The following RPRD2 variants were observed in gnomAD, a reference collection of about 807,000 sequenced individuals.
RPRD2 encodes regulation of nuclear pre-mRNA domain-containing protein 2.
In RPRD2, 12 loss-of-function variants were observed where a neutral mutation model predicts 104.4. That is an observed-to-expected ratio of 0.11 (90% confidence interval 0.07 to 0.19). The LOEUF is 0.19. RPRD2 is among the 10% of genes least tolerant of loss of function. RPRD2 has a pLI of 1.00. For synonymous variants in RPRD2, 714 were observed against 684.9 expected (o/e 1.04, Z -0.66); for missense variants, 1,543 against 1,790.1 (o/e 0.86, Z 2.49).
At chr1:150,438,825 G>T (rs1666201380) in intron 2 of RPRD2, among the ~76,000 whole-genome samples, 1 of 151,870 alleles carries the variant, frequency 6.6e-6, no homozygotes, top group Admixed American at 6.6e-5. Flanking sequence ...TGTAACAATG[G>T]TAAGTACATA....
intron 2 of RPRD2, among the ~76,000 whole-genome samples, chr1:150,429,083 T>C (rs964796378): frequency 1.3e-4 from 20 of 150,790 alleles, no homozygotes; most frequent in African/African-American, 4.9e-4. Context: ...ATTGACATTG[T>C]GGTCAGTAGT....
At position 150,405,829 on chromosome 1, in the gene RPRD2, A is replaced by G. The variant is rs182905544; in HGVS notation, c.206-11767A>G. On this transcript the variant is annotated intron_variant, in intron 1 of 10. Transcript: ENST00000369068. The stretch of plus-strand genomic sequence containing the variant: ...AATCCTCTCTTTGTCCTTTGTATCC[A>G]TGCTGTTGACGCTTCCCACCCATTA... Among the ~76,000 whole-genome samples the G allele has an allele frequency of 9.8e-5, 15 of 152,302 alleles. No individual in the cohort carries two copies. In the East Asian group the frequency reaches 2.5e-3, roughly 25 times the overall value.
chr1:150,374,049 G>A (rs1262191001), intron 1 of RPRD2, among the ~76,000 whole-genome samples: 1 of 152,148 alleles, frequency 6.6e-6, no homozygotes, highest in Non-Finnish European at 1.5e-5. Flanking sequence ...GGCATCCCCT[G>A]GGTAGCCTAA....
intron 1 of RPRD2, among the ~76,000 whole-genome samples, chr1:150,397,371 C>T (rs1662607023): frequency 6.6e-6 from 1 of 152,066 alleles, no homozygotes; most frequent in African/African-American, 2.4e-5. Flanking sequence ...CCAAAGTTTA[C>T]CCTTTAAATG....
At chr1:150,422,992 G>C (rs1442209458) in intron 2 of RPRD2, among the ~76,000 whole-genome samples, 2 of 152,096 alleles carry the variant, frequency 1.3e-5, no homozygotes, top group African/African-American at 4.8e-5. Flanking sequence ...TTCCATCACA[G>C]GTTGGAAATT....
intron 2 of RPRD2, among the ~76,000 whole-genome samples, chr1:150,436,495 G>A (rs1027381266): frequency 5.9e-5 from 9 of 152,028 alleles, no homozygotes; most frequent in East Asian, 1.9e-4. Flanking sequence ...CAGCTACTCC[G>A]GAGGCTGAGG....
rs1301079110 is a variant in RPRD2 at position 150,385,216 on chromosome 1, C to G, written c.205+20297C>G. ...GTGGCTCATGCCTGTAATCCCAGCA[C>G]TTTGGGAGGCTGAGGTGGGAGGATT... On this transcript the variant is annotated intron_variant, in intron 1 of 10. Transcript: ENST00000369068. Among the ~76,000 whole-genome samples the G allele has an allele frequency of 2.0e-5, 3 of 152,092 alleles. No individual in the cohort carries two copies. The South Asian group carries it at 6.2e-4, about 32-fold the overall frequency.
chr1:150,449,007 G>A (rs587673315), intron 7 of RPRD2, among the ~76,000 whole-genome samples: 1 of 152,328 alleles, frequency 6.6e-6, no homozygotes, highest in East Asian at 1.9e-4. Flanking sequence ...GCTCATGCCT[G>A]TAATTCCAAC....
At chr1:150,411,852 G>A (rs1273799120) in intron 1 of RPRD2, among the ~76,000 whole-genome samples, 2 of 149,812 alleles carry the variant, frequency 1.3e-5, no homozygotes, top group African/African-American at 2.5e-5. Context: ...TAGGCTAGGC[G>A]CGGTGGCTCA....
chr1:150,446,936 A>G (rs587706973), intron 7 of RPRD2, among the ~76,000 whole-genome samples: 4 of 150,504 alleles, frequency 2.7e-5, no homozygotes, highest in African/African-American at 7.4e-5. Flanking sequence ...CCCGGGTTCA[A>G]GCGATTCTCC....
chr1:150,389,286 G>A (rs933219778), intron 1 of RPRD2, among the ~76,000 whole-genome samples: 11 of 152,156 alleles, frequency 7.2e-5, no homozygotes, highest in Non-Finnish European at 1.5e-4. Context: ...CTGAGCTCAA[G>A]CGATCTGCCT....
chr1:150,433,842 TTA>T (rs1372525356), intron 2 of RPRD2, among the ~76,000 whole-genome samples: 1 of 146,038 alleles, frequency 6.8e-6, no homozygotes, highest in Admixed American at 6.9e-5. Flanking sequence ...ACATAATATG[TTA>T]TATATATGTT....
rs1560231102 is a variant in RPRD2 at position 150,471,627 on chromosome 1, A to G, written c.2679A>G (p.Val893=). 1 of 1,613,568 alleles carries G rather than the reference A, an allele frequency of 6.2e-7. No individual in the cohort carries two copies. Among genetic ancestry groups the G allele is most frequent in the East Asian group, 2.2e-5 (1 of 44,854 alleles). Residue 893 remains valine, a synonymous_variant, in exon 11 of 11, where the codon GTA becomes GTG. Coordinates refer to ENST00000369068, the MANE Select transcript of RPRD2 (RefSeq NM_015203.5). The surrounding 1 kb of genome is among the most constrained non-coding windows in gnomAD (Gnocchi z 5.3). ...TAAAGTCTGCCTTCCCTCCATCTGT[A>G]AGGGCCCTCCTGGACTCTAGTGAGA... ...FGVKSAFPPS[V]RALLDSSENC... is the part of the protein sequence containing the mutation.
intron 1 of RPRD2, among the ~76,000 whole-genome samples, chr1:150,381,288 G>A (rs1661112037): frequency 6.6e-6 from 1 of 151,782 alleles, no homozygotes; most frequent in African/African-American, 2.4e-5. Context: ...TAGACATGGT[G>A]GCGCGTACCT....
At chr1:150,402,606 G>A (rs1170823156) in intron 1 of RPRD2, among the ~76,000 whole-genome samples, 2 of 152,056 alleles carry the variant, frequency 1.3e-5, no homozygotes, top group Non-Finnish European at 2.9e-5. Flanking sequence ...AGCCCAAGAG[G>A]TTGAGGCTGC....
chr1:150,400,454 T>C (rs1243843156), intron 1 of RPRD2, among the ~76,000 whole-genome samples: 1 of 152,208 alleles, frequency 6.6e-6, no homozygotes, highest in African/African-American at 2.4e-5. Flanking sequence ...GGGATGAAAC[T>C]GTTCCACCTC....
chr1:150,373,569 G>A (rs1402039068), intron 1 of RPRD2, among the ~76,000 whole-genome samples: 2 of 118,328 alleles, frequency 1.7e-5, no homozygotes, highest in Non-Finnish European at 3.4e-5. Flanking sequence ...TGAGCAACTA[G>A]AAAGATAAGA....
At chr1:150,435,637 A>G (rs587752684) in intron 2 of RPRD2, among the ~76,000 whole-genome samples, 11 of 152,354 alleles carry the variant, frequency 7.2e-5, no homozygotes, top group South Asian at 2.1e-4. Context: ...CCTCAATTCT[A>G]TGAAGGTTGA....
chr1:150,402,317 C>T (rs376269930), intron 1 of RPRD2, among the ~76,000 whole-genome samples: 1 of 152,196 alleles, frequency 6.6e-6, no homozygotes, highest in Non-Finnish European at 1.5e-5. Context: ...AGCAGTTCTA[C>T]TCTTGCACAT....
Sources: allele counts gnomAD v4.1 joint callset (sites outside exome capture counted in the v4.1 genomes callset), GRCh38; gene constraint gnomAD v4.1.1; non-coding constraint Gnocchi (gnomAD v3.1); transcripts MANE v1.5; gene names NCBI Gene and HGNC (gene_info 2026-07-23, HGNC 2026-07-21).